LAMC3: variants seen among roughly 807,000 people sequenced by gnomAD.
LAMC3 encodes laminin subunit gamma-3.
Under a neutral mutation model 173.8 loss-of-function variants are expected in LAMC3, and 128 were observed. That is an observed-to-expected ratio of 0.74 (90% confidence interval 0.64 to 0.85). LAMC3 has a LOEUF of 0.85. Ranked by LOEUF, LAMC3 falls within the 40% of genes least tolerant of loss-of-function variation. The pLI, the probability that LAMC3 is intolerant of heterozygous loss-of-function variation, is 0.00. For missense variants in LAMC3, 2,022 were observed against 2,156.0 expected (o/e 0.94, Z 1.23); for synonymous variants, 897 against 909.1 (o/e 0.99, Z 0.24).
At chr9:131,087,432 GC>G (rs1564157681) in intron 25 of LAMC3, 43 bp from the exon 26 acceptor site, 1 of 1,612,458 alleles carries the variant, frequency 6.2e-7, no homozygotes. Context: ...AAAAGGACTT[GC>G]TGCACTCACT....
chr9:131,091,643 ACT>A lies in LAMC3; in HGVS notation c.4586_4587del (p.Leu1529GlnfsTer20), dbSNP rs751282708. The A allele has an allele frequency of 1.9e-6, 3 of 1,604,170 alleles. No individual in the cohort carries two copies. Among genetic ancestry groups the A allele is most frequent in the Non-Finnish European group, 2.6e-6 (3 of 1,175,752 alleles). ...GCTCCCCGGGGTCCTTGCAGAGGAAACTCAGTCTGCTGGAGCAGGAATCCCAG... is the reference window on the plus strand; with the variant it reads ...GCTCCCCGGGGTCCTTGCAGAGGAAACAGTCTGCTGGAGCAGGAATCCCAG... ...LGSPGSLQRK[L>X]SLLEQESQQQ... On this transcript the variant is annotated frameshift_variant, in exon 28 of 28. Transcript: ENST00000361069. LOFTEE classifies it high-confidence loss of function.
At position 131,079,242 on chromosome 9, in the gene LAMC3, C is replaced by G. The variant is rs201793200; in HGVS notation, c.3871C>G (p.Arg1291Gly). The change falls in exon 23 of 28, where the codon CGA becomes GGA. Residue 1291 changes from arginine (R) to glycine (G), a missense_variant. Physicochemically the swap from Arg to Gly is moderately radical, Grantham distance 125 (BLOSUM62 -2). Coordinates refer to ENST00000361069, the MANE Select transcript of LAMC3 (RefSeq NM_006059.4). ...SWQHMATEAA[R>G]TLQTAAQATL... ...GCAGCACATGGCCACTGAGGCTGCC[C>G]GAACCCTCCAGACTGCTGCCCAGGC... 3 of 1,614,150 alleles carry G rather than the reference C, an allele frequency of 1.9e-6. No individual in the cohort carries two copies. Among genetic ancestry groups the G allele is most frequent in the East Asian group, 2.2e-5 (1 of 44,884 alleles).
At chr9:131,024,108 T>C (rs773351323) in intron 1 of LAMC3, among the ~76,000 whole-genome samples, 3 of 151,938 alleles carry the variant, frequency 2.0e-5, no homozygotes, top group Non-Finnish European at 4.4e-5. Flanking sequence ...AAGTCCCAAA[T>C]ATTATTTACT....
chr9:131,026,772 C>T lies in LAMC3; in HGVS notation c.678+183C>T, dbSNP rs777999475. ...TCGCCCAGGCTGGAGTGCAGTGACG[C>T]GATTTCGGTTCACTGAAACCTCCGC... On this transcript the variant is annotated intron_variant, in intron 2 of 27. Transcript: ENST00000361069. This position sits in a 1 kb window ranked among gnomAD's most constrained non-coding sequence, Gnocchi z 4.8. Among the ~76,000 whole-genome samples, 8 of 152,212 alleles carry T rather than the reference C, an allele frequency of 5.3e-5. No individual in the cohort carries two copies. The highest frequency in any genetic ancestry group is 3.4e-3 in the Middle Eastern group (1 of 294).
chr9:131,090,229 A>C (rs564255161), intron 27 of LAMC3, among the ~76,000 whole-genome samples: 63 of 152,306 alleles, frequency 4.1e-4, no homozygotes, highest in African/African-American at 1.4e-3. Context: ...CCTGTCGTGG[A>C]GCAGACACTC....
intron 24 of LAMC3, among the ~76,000 whole-genome samples, chr9:131,083,289 G>A (rs1412372642): frequency 1.3e-5 from 2 of 152,132 alleles, no homozygotes; most frequent in Admixed American, 1.3e-4. Context: ...TGTGTGTAGT[G>A]GATGGAAATT....
chr9:131,067,135 C>T lies in LAMC3; in HGVS notation c.2523C>T (p.Asp841=). The change falls in exon 14 of 28, where the codon GAC becomes GAT. Residue 841 remains aspartate, a synonymous_variant. Transcript: ENST00000361069. Reference sequence around the variant, plus strand: ...GCTGCCTGCACAACACCACGGGTGACCACTGTGAGCACTGTCAGGAAGGCT... The same window carrying T: ...GCTGCCTGCACAACACCACGGGTGATCACTGTGAGCACTGTCAGGAAGGCT... ...CLRCLHNTTG[D]HCEHCQEGFY... is the part of the protein sequence containing the mutation. 6.2e-7 allele frequency: 1 copy of T among 1,614,196 alleles called. No homozygotes were observed. The highest frequency in any genetic ancestry group is 8.5e-7 in the Non-Finnish European group (1 of 1,180,030).
At chr9:131,014,494 C>T (rs148211434) in intron 1 of LAMC3, among the ~76,000 whole-genome samples, 52 of 152,376 alleles carry the variant, frequency 3.4e-4, no homozygotes, top group African/African-American at 1.2e-3. Context: ...AGCCCCTAAT[C>T]CTCCTTCCAC....
chr9:131,020,342 G>A (rs961133070), intron 1 of LAMC3, among the ~76,000 whole-genome samples: 1 of 152,150 alleles, frequency 6.6e-6, no homozygotes, highest in Non-Finnish European at 1.5e-5. Context: ...TCCCTATAAG[G>A]AGCTGGGGAC....
chr9:131,045,773 C>T, intron 8 of LAMC3, 113 bp downstream of exon 8: 1 of 1,322,762 alleles, frequency 7.6e-7, no homozygotes, highest in Non-Finnish European at 1.1e-6. Flanking sequence ...AGAGGAGCCA[C>T]AGGCCTGCAC....
chr9:131,032,557 G>T (rs930135976), intron 3 of LAMC3, among the ~76,000 whole-genome samples: 4 of 132,212 alleles, frequency 3.0e-5, no homozygotes, highest in African/African-American at 8.6e-5. Flanking sequence ...GCTCTCTCTC[G>T]CTCTCTCTCT....
chr9:131,071,959 G>T (rs1830043324), intron 18 of LAMC3, among the ~76,000 whole-genome samples: 1 of 152,138 alleles, frequency 6.6e-6, no homozygotes, highest in Admixed American at 6.5e-5. Flanking sequence ...GGCCAGCACG[G>T]TGCTCAGCAC....
At chr9:131,074,378 G>A (rs1830086957) in intron 20 of LAMC3, among the ~76,000 whole-genome samples, 1 of 151,868 alleles carries the variant, frequency 6.6e-6, no homozygotes, top group Non-Finnish European at 1.5e-5. Flanking sequence ...CAGACACTTG[G>A]GTTGTTTCAT....
Position 131,053,032 on chromosome 9 carries a change from C to T in LAMC3, c.1939+67C>T, listed in dbSNP as rs543339991. The T allele has an allele frequency of 1.3e-3, 1,520 of 1,200,848 alleles. 1 individual carries two copies. The highest frequency in any genetic ancestry group is 1.9e-3 in the African/African-American group (129 of 66,550). The allele number at this position is 1,200,848 out of a possible 1,614,324, so 74.4% of individuals were successfully genotyped here. ...CAGGTCTCAGAACTGGGCTGGGCTC[C>T]GGCGGTCACAGTCTTGTCAGGGCCT... On this transcript the variant is annotated intron_variant, in intron 11 of 27. Coordinates refer to ENST00000361069, the MANE Select transcript of LAMC3 (RefSeq NM_006059.4).
Position 131,022,978 on chromosome 9 carries a change from C to T in LAMC3, c.374-3307C>T, listed in dbSNP as rs181773036. Among the ~76,000 whole-genome samples the T allele has an allele frequency of 1.3e-5, 2 of 152,136 alleles. 1 individual carries two copies. The highest frequency in any genetic ancestry group is 4.8e-5 in the African/African-American group (2 of 41,422). The stretch of plus-strand genomic sequence containing the variant: ...CCTGTGACAACCACCTGTCTCCTTC[C>T]TGTCTCTGTGGATTTGCCTATTCTG... On this transcript the variant is annotated intron_variant, in intron 1 of 27. Transcript: ENST00000361069.
chr9:131,020,250 G>A (rs1036156494), intron 1 of LAMC3, among the ~76,000 whole-genome samples: 1 of 152,102 alleles, frequency 6.6e-6, no homozygotes, highest in Non-Finnish European at 1.5e-5. Flanking sequence ...CACCCAGCAG[G>A]GTCCCTTAGC....
intron 3 of LAMC3, among the ~76,000 whole-genome samples, chr9:131,033,365 C>T (rs138865555): frequency 2.0e-5 from 3 of 152,292 alleles, no homozygotes; most frequent in East Asian, 1.9e-4. Flanking sequence ...CACATCAGCC[C>T]GCTCCAGGAT....
chr9:131,061,383 T>C (rs1204391032), intron 13 of LAMC3, among the ~76,000 whole-genome samples, 160 bp downstream of exon 13: 1 of 152,158 alleles, frequency 6.6e-6, no homozygotes, highest in African/African-American at 2.4e-5. Flanking sequence ...GGACACGGAA[T>C]CCCTCAGCCC....
At chr9:131,038,650 T>C (rs1564370875) in intron 4 of LAMC3, among the ~76,000 whole-genome samples, 1 of 152,208 alleles carries the variant, frequency 6.6e-6, no homozygotes, top group Non-Finnish European at 1.5e-5. Flanking sequence ...TTACTAACAG[T>C]GTCCCCTTTG....
Sources: allele counts gnomAD v4.1 joint callset (sites outside exome capture counted in the v4.1 genomes callset), GRCh38; gene constraint gnomAD v4.1.1; non-coding constraint Gnocchi (gnomAD v3.1); transcripts MANE v1.5; gene names NCBI Gene and HGNC (gene_info 2026-07-23, HGNC 2026-07-21).